Variants in ATP6V1H observed in about 807,000 individuals in gnomAD.
The protein encoded by ATP6V1H is V-type proton ATPase subunit H.
Under a neutral mutation model 71.7 loss-of-function variants are expected in ATP6V1H, and 39 were observed. That is an observed-to-expected ratio of 0.54 (90% CI 0.42 to 0.71). The LOEUF is 0.71. Among genes scored for constraint, ATP6V1H ranks in the 30% least tolerant of loss-of-function variants. The pLI, the probability that ATP6V1H is intolerant of heterozygous loss-of-function variation, is 0.00. For missense variants in ATP6V1H, 509 were observed against 594.9 expected, an observed-to-expected ratio of 0.86 and a Z score of 1.50; for synonymous variants, 192 against 199.3, an observed-to-expected ratio of 0.96 and a Z score of 0.31.
chr8:53,775,558 T>C (rs1232309254), intron 9 of ATP6V1H, among the ~76,000 whole-genome samples: 1 of 152,186 alleles, frequency 6.6e-6, no homozygotes, highest in Non-Finnish European at 1.5e-5. Context: ...ACACACAGGT[T>C]CTCCAAGGCC....
Position 53,725,009 on chromosome 8 carries a change from A to G in ATP6V1H, c.1392-8985T>C, listed in dbSNP as rs562696072. Among the ~76,000 whole-genome samples the G allele has an allele frequency of 1.7e-4, 26 of 152,256 alleles. No homozygotes were observed. In the East Asian group the frequency reaches 5.0e-3, roughly 29 times the overall value. Reference sequence around the variant, plus strand: ...ATCTAGACATATGACAATAGAACTAATATTTTTTCCCAAATATTGGAATTC... The same window carrying G: ...ATCTAGACATATGACAATAGAACTAGTATTTTTTCCCAAATATTGGAATTC... On this transcript the variant is annotated intron_variant, in intron 13 of 13. Coordinates refer to ENST00000359530, the MANE Select transcript of ATP6V1H (RefSeq NM_015941.4).
At chr8:53,814,787 C>T (rs762063890) in intron 5 of ATP6V1H, 21 bp from the exon 6 acceptor site, 4 of 1,499,098 alleles carry the variant, frequency 2.7e-6, no homozygotes, top group Non-Finnish European at 3.7e-6. Flanking sequence ...ATAAGAGATA[C>T]ATTTAACGCA....
At chr8:53,761,544 G>A (rs1028650181) in intron 11 of ATP6V1H, among the ~76,000 whole-genome samples, 17 of 151,718 alleles carry the variant, frequency 1.1e-4, no homozygotes, top group African/African-American at 3.6e-4. Flanking sequence ...CTTGTAAAAC[G>A]TTCCCCTCCA....
chr8:53,761,331 C>T (rs1428696347), intron 11 of ATP6V1H, among the ~76,000 whole-genome samples: 5 of 148,132 alleles, frequency 3.4e-5, no homozygotes, highest in African/African-American at 5.0e-5. Context: ...AGCGAGACTC[C>T]GTCTCAAAAA....
At chr8:53,800,724 ATT>A (rs1563472649) in intron 8 of ATP6V1H, among the ~76,000 whole-genome samples, 1 of 152,208 alleles carries the variant, frequency 6.6e-6, no homozygotes, top group Non-Finnish European at 1.5e-5. Context: ...CTTTTATGAT[ATT>A]TGTGTATCAA....
chr8:53,797,752 C>A (rs1455105753), intron 8 of ATP6V1H, among the ~76,000 whole-genome samples: 1 of 151,836 alleles, frequency 6.6e-6, no homozygotes, highest in Non-Finnish European at 1.5e-5. Context: ...CTAATCCTAG[C>A]ATTTTGGGAG....
chr8:53,838,834 G>A (rs1269636750), intron 2 of ATP6V1H, among the ~76,000 whole-genome samples: 3 of 152,116 alleles, frequency 2.0e-5, no homozygotes, highest in South Asian at 2.1e-4. Context: ...ACTGGGGGAC[G>A]CTTCCACAGG....
At chr8:53,808,185 G>A (rs942586422) in intron 7 of ATP6V1H, among the ~76,000 whole-genome samples, 4 of 152,186 alleles carry the variant, frequency 2.6e-5, no homozygotes, top group African/African-American at 9.7e-5. Context: ...AATGAAGCTA[G>A]GGAGGGGAAA....
At chr8:53,747,879 G>C (rs1314010288) in intron 12 of ATP6V1H, among the ~76,000 whole-genome samples, 1 of 151,110 alleles carries the variant, frequency 6.6e-6, no homozygotes, top group Non-Finnish European at 1.5e-5. Flanking sequence ...GGAGAGGCCA[G>C]GCTCTGTGGG....
intron 9 of ATP6V1H, among the ~76,000 whole-genome samples, chr8:53,782,528 T>C (rs1336627010): frequency 6.6e-6 from 1 of 152,058 alleles, no homozygotes; most frequent in African/African-American, 2.4e-5. Flanking sequence ...TTGAATGCCC[T>C]TTATTTCCTT....
At chr8:53,809,163 TTC>T (rs1210536106) in intron 7 of ATP6V1H, among the ~76,000 whole-genome samples, 1 of 152,216 alleles carries the variant, frequency 6.6e-6, no homozygotes, top group Non-Finnish European at 1.5e-5. Context: ...TGGTATGTTT[TTC>T]TGTTTGGTCT....
intron 9 of ATP6V1H, among the ~76,000 whole-genome samples, chr8:53,783,303 C>T (rs1393446475): frequency 6.6e-6 from 1 of 152,170 alleles, no homozygotes; most frequent in Non-Finnish European, 1.5e-5. Context: ...TTAACCATTT[C>T]TTCTAGATTT....
intron 2 of ATP6V1H, among the ~76,000 whole-genome samples, chr8:53,838,123 C>T (rs1263938209): frequency 4.0e-5 from 4 of 100,458 alleles, no homozygotes; most frequent in African/African-American, 2.2e-4. Flanking sequence ...ACTCCTGTTA[C>T]TGTCTTTTTT....
In ATP6V1H at chr8:53,769,681, T is replaced by G; in HGVS notation, c.1112A>C (p.Lys371Thr). ...ATTCTCTCTCCAAAATTTCTCAGAT[T>G]TGTGCACAGGACTCCATTCCAACCT... is the stretch of plus-strand genomic sequence containing the variant. Reference protein sequence around the residue: ...SGRLEWSPVHKSEKFWRENAV... With the variant: ...SGRLEWSPVHTSEKFWRENAV... Residue 371 changes from lysine to threonine, a missense_variant, in exon 11 of 14, where the codon AAA becomes ACA. By Grantham distance (78) the Lys-to-Thr change is moderately conservative. Transcript: ENST00000359530. 1.9e-6 allele frequency: 3 copies of G among 1,613,072 alleles called. No homozygotes were observed. The highest frequency in any genetic ancestry group is 2.5e-6 in the Non-Finnish European group (3 of 1,179,254).
intron 4 of ATP6V1H, among the ~76,000 whole-genome samples, chr8:53,828,476 C>T (rs1236531564): frequency 6.6e-6 from 1 of 152,200 alleles, no homozygotes; most frequent in Non-Finnish European, 1.5e-5. Flanking sequence ...ACAGCTCCCT[C>T]ATTCTAGGTA....
chr8:53,826,118 C>T (rs1810816568), intron 4 of ATP6V1H, among the ~76,000 whole-genome samples: 2 of 152,142 alleles, frequency 1.3e-5, no homozygotes, highest in Admixed American at 6.5e-5. Context: ...TGTTCAACCT[C>T]GGACACCATT....
intron 10 of ATP6V1H, among the ~76,000 whole-genome samples, chr8:53,770,937 T>C (rs1030257816): frequency 2.0e-5 from 3 of 152,166 alleles, no homozygotes; most frequent in Admixed American, 6.5e-5. Flanking sequence ...TCTAGAATAA[T>C]AAAAATCATT....
At chr8:53,773,710 A>G (rs989018909) in intron 9 of ATP6V1H, among the ~76,000 whole-genome samples, 1 of 152,250 alleles carries the variant, frequency 6.6e-6, no homozygotes, top group Admixed American at 6.5e-5. Context: ...ATCTGAATAC[A>G]GCTCCAGAAT....
intron 10 of ATP6V1H, among the ~76,000 whole-genome samples, chr8:53,771,653 C>A (rs964523351): frequency 2.0e-5 from 3 of 152,144 alleles, no homozygotes; most frequent in African/African-American, 4.8e-5. Flanking sequence ...TACAGGCAAA[C>A]CTCCTCCACT....
Sources: gnomAD v4.1 joint callset for allele counts (sites outside exome capture counted in the v4.1 genomes callset) on GRCh38, gnomAD v4.1.1 for gene constraint, MANE v1.5 for transcripts, NCBI Gene and HGNC (gene_info 2026-07-23, HGNC 2026-07-21) for gene names.